The following CTNNA3 variants were observed in gnomAD, a reference collection of about 807,000 sequenced individuals.
The protein encoded by CTNNA3 is catenin alpha 3.
Under a neutral mutation model 95.7 loss-of-function variants are expected in CTNNA3, and 76 were observed. The ratio of observed to expected loss-of-function variants is 0.79; its 90% confidence interval spans 0.66 to 0.96. CTNNA3 has a LOEUF of 0.96. Ranked by LOEUF, CTNNA3 falls within the 40% of genes least tolerant of loss-of-function variation. The pLI is 0.00. For synonymous variants in CTNNA3, 431 were observed against 374.4 expected (o/e 1.15, Z -1.74); for missense variants, 1,191 against 1,089.8 (o/e 1.09, Z -1.31).
At chr10:67,081,728 C>A (rs1857068286) in intron 7 of CTNNA3, among the ~76,000 whole-genome samples, 3 of 152,174 alleles carry the variant, frequency 2.0e-5, no homozygotes, top group Admixed American at 2.0e-4. Context: ...TGCCTCTGCA[C>A]TTCTGCCTAG....
At chr10:66,546,139 C>T (rs1426796705) in intron 10 of CTNNA3, among the ~76,000 whole-genome samples, 1 of 151,742 alleles carries the variant, frequency 6.6e-6, no homozygotes, top group Non-Finnish European at 1.5e-5. Flanking sequence ...GTTTACTACT[C>T]TTATTTCCTA....
At chr10:66,780,824 GTTTC>G (rs1291601008) in intron 7 of CTNNA3, among the ~76,000 whole-genome samples, 1 of 152,082 alleles carries the variant, frequency 6.6e-6, no homozygotes, top group Non-Finnish European at 1.5e-5. Context: ...ATCCCATTAC[GTTTC>G]TGGGCCTTAA....
chr10:66,432,228 A>C (rs2093302995), intron 11 of CTNNA3, among the ~76,000 whole-genome samples: 1 of 152,214 alleles, frequency 6.6e-6, no homozygotes, highest in Admixed American at 6.5e-5. Context: ...TTACAAAACT[A>C]AATTGTATCA....
At chr10:66,470,098 C>A (rs973694411) in intron 11 of CTNNA3, among the ~76,000 whole-genome samples, 1 of 151,564 alleles carries the variant, frequency 6.6e-6, no homozygotes, top group African/African-American at 2.4e-5. Flanking sequence ...TTTTTGAGAC[C>A]AAAAATCAGG....
chr10:67,002,651 C>T (rs1431778362), intron 7 of CTNNA3, among the ~76,000 whole-genome samples: 2 of 152,020 alleles, frequency 1.3e-5, no homozygotes, highest in African/African-American at 4.8e-5. Context: ...GGTACTGGGC[C>T]ATGTATTTCA....
chr10:66,732,698 G>A (rs1005035244), intron 9 of CTNNA3, among the ~76,000 whole-genome samples: 2 of 152,086 alleles, frequency 1.3e-5, no homozygotes, highest in African/African-American at 4.8e-5. Context: ...CTCCCACTGG[G>A]TCCCTCCCAT....
chr10:66,351,578 A>G (rs118132114), intron 12 of CTNNA3, among the ~76,000 whole-genome samples: 2,591 of 152,094 alleles, frequency 0.017, 44 homozygotes, highest in Non-Finnish European at 0.025. Context: ...GCAAAACTCA[A>G]CTCCTGAATT....
intron 7 of CTNNA3, among the ~76,000 whole-genome samples, chr10:67,013,229 C>T (rs1263084595): frequency 6.6e-6 from 1 of 151,420 alleles, no homozygotes; most frequent in East Asian, 1.9e-4. Flanking sequence ...GGTGTCTGTC[C>T]TTAATACTCT....
chr10:66,306,702 A>AG (rs2091939539), intron 12 of CTNNA3, among the ~76,000 whole-genome samples: 1 of 152,218 alleles, frequency 6.6e-6, no homozygotes, highest in Non-Finnish European at 1.5e-5. Flanking sequence ...TCTGCAAAAA[A>AG]TGTGTACTTG....
chr10:66,711,432 G>A (rs563362550), intron 9 of CTNNA3, among the ~76,000 whole-genome samples: 55 of 151,956 alleles, frequency 3.6e-4, no homozygotes, highest in African/African-American at 8.7e-4. Flanking sequence ...CTTCCTAGGT[G>A]TCCCTCATTC....
intron 3 of CTNNA3, among the ~76,000 whole-genome samples, chr10:67,555,112 A>G (rs368476695): frequency 1.3e-5 from 2 of 151,878 alleles, no homozygotes; most frequent in South Asian, 4.2e-4. Flanking sequence ...TCATTGGTTG[A>G]TATCTCTGTT....
intron 10 of CTNNA3, among the ~76,000 whole-genome samples, chr10:66,562,296 A>G (rs1199716497): frequency 6.6e-6 from 1 of 152,194 alleles, no homozygotes; most frequent in Admixed American, 6.6e-5. Flanking sequence ...CCTTATTTTA[A>G]TCATATAAAT....
rs183904676 is a variant in CTNNA3, at chr10:67,689,216, T to C, written c.-6+6784A>G. ...TCCAGAGTTGGAAGAGTGATGCTTTTTGTCCTCACTTATATGAATAGGAAA... is the reference window on the plus strand; with the variant it reads ...TCCAGAGTTGGAAGAGTGATGCTTTCTGTCCTCACTTATATGAATAGGAAA... On this transcript the variant is annotated intron_variant, in intron 1 of 17. Transcript: ENST00000433211. Among the ~76,000 whole-genome samples, 4 of 152,290 alleles carry C rather than the reference T, an allele frequency of 2.6e-5. No homozygotes were observed. In the East Asian group the frequency reaches 7.7e-4, roughly 29 times the overall value.
chr10:65,955,985 C>T (rs960614327), intron 17 of CTNNA3, among the ~76,000 whole-genome samples: 7 of 152,154 alleles, frequency 4.6e-5, no homozygotes, highest in African/African-American at 1.4e-4. Flanking sequence ...CTTTGTGCCT[C>T]TGGGAGAATT....
chr10:66,619,622 T>A (rs1221141382), intron 10 of CTNNA3, among the ~76,000 whole-genome samples: 1 of 143,436 alleles, frequency 7.0e-6, no homozygotes, highest in Non-Finnish European at 1.5e-5. Context: ...AAATGACGAG[T>A]TAATGGGTGC....
rs926607922 is a variant in CTNNA3, at chr10:66,633,255, A to C, written c.1282-11471T>G. Among the ~76,000 whole-genome samples the C allele has an allele frequency of 4.6e-5, 7 of 152,322 alleles. No individual in the cohort carries two copies. In the South Asian group the frequency reaches 1.4e-3, roughly 32 times the overall value. ...AAGCGAAAATGAATCTAAATATTTA[A>C]CAGTGGAGAATAAATTATGTAATAT... On this transcript the variant is annotated intron_variant, in intron 9 of 17. Coordinates refer to ENST00000433211, the MANE Select transcript of CTNNA3 (RefSeq NM_013266.4).
At chr10:66,769,907 C>T (rs1554849477) in intron 8 of CTNNA3, among the ~76,000 whole-genome samples, 1 of 152,180 alleles carries the variant, frequency 6.6e-6, no homozygotes, top group Admixed American at 6.5e-5. Context: ...GAATCACCTC[C>T]TAAATAAATG....
chr10:67,474,387 G>A (rs1847932022), intron 5 of CTNNA3, among the ~76,000 whole-genome samples: 1 of 152,202 alleles, frequency 6.6e-6, no homozygotes, highest in African/African-American at 2.4e-5. Flanking sequence ...CACCAGGAAT[G>A]TGTGTACACA....
At chr10:67,149,314 A>G (rs916669015) in intron 7 of CTNNA3, among the ~76,000 whole-genome samples, 1 of 152,132 alleles carries the variant, frequency 6.6e-6, no homozygotes, top group Admixed American at 6.5e-5. Flanking sequence ...GGCCGGGTGC[A>G]GTGGCTCACG....
Sources: allele counts gnomAD v4.1 joint callset (sites outside exome capture counted in the v4.1 genomes callset), GRCh38; gene constraint gnomAD v4.1.1; transcripts MANE v1.5; gene names NCBI Gene and HGNC (gene_info 2026-07-23, HGNC 2026-07-21).